TNRC18: variants seen among roughly 807,000 people sequenced by gnomAD.
TNRC18 encodes trinucleotide repeat containing 18.
In TNRC18, 69 loss-of-function variants were observed where a neutral mutation model predicts 226.7. That is an observed-to-expected ratio of 0.30 (90% CI 0.25 to 0.37). The LOEUF (loss-of-function observed/expected upper bound fraction) is 0.37. TNRC18 is among the 10% of genes least tolerant of loss of function. The pLI, the probability that TNRC18 is intolerant of heterozygous loss-of-function variation, is 1.00. For synonymous variants in TNRC18, 2,449 were observed against 1,927.6 expected, an observed-to-expected ratio of 1.27 and a Z score of -7.09; for missense variants, 4,754 against 4,256.6, an observed-to-expected ratio of 1.12 and a Z score of -3.25.
At position 5,357,001 on chromosome 7, in the gene TNRC18, C is replaced by T; in HGVS notation, c.5109G>A (p.Arg1703=). 2 of 1,552,334 alleles carry T rather than the reference C, an allele frequency of 1.3e-6. No homozygotes were observed. The highest frequency in any genetic ancestry group is 1.7e-6 in the Non-Finnish European group (2 of 1,147,132). Residue 1703 remains arginine, a synonymous_variant, in exon 16 of 30, where the codon AGG becomes AGA. Coordinates refer to ENST00000430969, the MANE Select transcript of TNRC18 (RefSeq NM_001080495.3). ...TGGCCTTGAACCCCACCTCCATCTT[C>T]CTGGTTTTGGCTGCCCTTTTGTGTT... ...EGKHKRAAKT[R]KMEVGFKARG...
At chr7:5,396,477 T>C (rs1343078724) in intron 2 of TNRC18, among the ~76,000 whole-genome samples, 2 of 152,122 alleles carry the variant, frequency 1.3e-5, no homozygotes. Context: ...GAGCTGTGAC[T>C]GCAATTACAA....
intron 16 of TNRC18, 79 bp from the exon 17 acceptor site, chr7:5,352,173 C>G (rs546496191): frequency 7.0e-7 from 1 of 1,421,718 alleles, no homozygotes; most frequent in Non-Finnish European, 9.4e-7. Context: ...TTTAATGGTT[C>G]TGAGAACGTA....
At position 5,312,661 on chromosome 7, in the gene TNRC18, C is replaced by T. The variant is rs777967978; in HGVS notation, c.8230G>A (p.Gly2744Arg). ...TQPLQPKAQA[G>R]AKSRPKKREG... ...CTCTTCTTGGGTCGGCTCTTGGCCC[C>T]GGCCTGAGCCTTGGGCTGCAGAGGC... is the stretch of plus-strand genomic sequence containing the variant. The change falls in exon 27 of 30, where the codon GGG (glycine) becomes AGG (arginine). Residue 2744 changes from glycine to arginine, a missense_variant. Physicochemically the swap from Gly to Arg is moderately radical, Grantham distance 125. Coordinates refer to ENST00000430969, the MANE Select transcript of TNRC18 (RefSeq NM_001080495.3). The surrounding 1 kb of genome is among the most constrained non-coding windows in gnomAD (Gnocchi z 6.3). The T allele has an allele frequency of 5.0e-6, 8 of 1,606,790 alleles. No homozygotes were observed. The highest frequency in any genetic ancestry group is 3.3e-5 in the South Asian group (3 of 90,756).
chr7:5,415,928 G>A (rs563586365), intron 2 of TNRC18, among the ~76,000 whole-genome samples: 6 of 141,580 alleles, frequency 4.2e-5, no homozygotes, highest in South Asian at 2.3e-4. Flanking sequence ...CCAACATGGC[G>A]AAACCCCATC....
At chr7:5,350,255 C>G (rs910739083) in intron 17 of TNRC18, among the ~76,000 whole-genome samples, 4 of 151,954 alleles carry the variant, frequency 2.6e-5, no homozygotes, top group Admixed American at 2.6e-4. Context: ...CTTCTCGGTC[C>G]GGGGTGGTGT....
At chr7:5,384,037 T>C (rs372357581) in intron 5 of TNRC18, among the ~76,000 whole-genome samples, 1 of 139,808 alleles carries the variant, frequency 7.2e-6, no homozygotes, top group African/African-American at 2.7e-5. Context: ...CGATCTCAGC[T>C]CACTGCAACC....
At chr7:5,395,996 C>CAAAA (rs1178969904) in intron 2 of TNRC18, among the ~76,000 whole-genome samples, 42 of 107,744 alleles carry the variant, frequency 3.9e-4, no homozygotes, top group African/African-American at 1.4e-3. Flanking sequence ...GACTCCGTCT[C>CAAAA]AAAAAAAAAA....
chr7:5,364,778 T>G (rs1486824130), intron 11 of TNRC18, among the ~76,000 whole-genome samples: 1 of 128,292 alleles, frequency 7.8e-6, no homozygotes, highest in African/African-American at 3.0e-5. Flanking sequence ...TACCCCAGCC[T>G]GGGCAACAGA....
intron 5 of TNRC18, among the ~76,000 whole-genome samples, chr7:5,382,165 G>A (rs1383870615): frequency 2.6e-5 from 4 of 152,154 alleles, no homozygotes; most frequent in African/African-American, 9.7e-5. Flanking sequence ...GGGAGATAAA[G>A]AAACATGCCC....
intron 16 of TNRC18, among the ~76,000 whole-genome samples, chr7:5,356,194 T>C (rs1417561734): frequency 5.3e-5 from 7 of 132,368 alleles, no homozygotes; most frequent in Non-Finnish European, 9.7e-5. Context: ...AGAAAGAAAA[T>C]AGTGGGACAC....
At chr7:5,363,543 G>A (rs1179794448) in intron 11 of TNRC18, among the ~76,000 whole-genome samples, 3 of 152,182 alleles carry the variant, frequency 2.0e-5, no homozygotes, top group Non-Finnish European at 1.5e-5. Context: ...GGCGGAGCTT[G>A]CAGTAAGCCG....
chr7:5,308,845 C>G, intron 29 of TNRC18, 30 bp downstream of exon 29: 1 of 1,181,494 alleles, frequency 8.5e-7, no homozygotes, highest in African/African-American at 1.5e-5. Context: ...CATCCCCAAC[C>G]CGCCCACCAC....
chr7:5,381,610 G>C (rs1489478542), intron 5 of TNRC18, among the ~76,000 whole-genome samples: 1 of 152,098 alleles, frequency 6.6e-6, no homozygotes, highest in Non-Finnish European at 1.5e-5. Context: ...GGGCAACGGA[G>C]TGAGACCCTG....
chr7:5,327,246 C>T (rs1380688374), intron 19 of TNRC18, among the ~76,000 whole-genome samples: 1 of 152,034 alleles, frequency 6.6e-6, no homozygotes, highest in Admixed American at 6.6e-5. Flanking sequence ...TCACAGCGTC[C>T]ATATCCAAAA....
intron 2 of TNRC18, among the ~76,000 whole-genome samples, chr7:5,416,850 G>T (rs140121221): frequency 4.6e-5 from 7 of 152,214 alleles, no homozygotes; most frequent in African/African-American, 1.7e-4. Context: ...AATTAGCCAG[G>T]CATGGTGGTA....
intron 11 of TNRC18, among the ~76,000 whole-genome samples, chr7:5,365,012 C>T (rs925464004): frequency 7.6e-5 from 11 of 143,998 alleles, no homozygotes; most frequent in Non-Finnish European, 1.1e-4. Flanking sequence ...AAGGAGCCTA[C>T]GCAGAATCAT....
At chr7:5,363,032 G>A (rs1199868528) in intron 11 of TNRC18, among the ~76,000 whole-genome samples, 4 of 152,226 alleles carry the variant, frequency 2.6e-5, no homozygotes, top group African/African-American at 4.8e-5. Context: ...GGTGGCTCAC[G>A]CCTGTAATCC....
At chr7:5,348,396 C>T (rs1308818260) in intron 17 of TNRC18, among the ~76,000 whole-genome samples, 1 of 152,172 alleles carries the variant, frequency 6.6e-6, no homozygotes, top group Non-Finnish European at 1.5e-5. Flanking sequence ...CCCTTTCTCT[C>T]CAGGGCGGGG....
chr7:5,338,898 C>A (rs535692781), intron 18 of TNRC18, among the ~76,000 whole-genome samples: 3 of 119,856 alleles, frequency 2.5e-5, no homozygotes, highest in African/African-American at 9.7e-5. Context: ...CCAGCCTGGG[C>A]AATGAGAGCG....
Sources: gnomAD v4.1 joint callset for allele counts (sites outside exome capture counted in the v4.1 genomes callset) on GRCh38, gnomAD v4.1.1 for gene constraint, Gnocchi (gnomAD v3.1) non-coding constraint, MANE v1.5 for transcripts, NCBI Gene and HGNC (gene_info 2026-07-23, HGNC 2026-07-21) for gene names.